Variants in UNC45B observed in about 807,000 individuals in gnomAD.
The protein encoded by UNC45B is protein unc-45 homolog B.
In UNC45B, 78 loss-of-function variants were observed where a neutral mutation model predicts 98.7. The observed-to-expected ratio is 0.79, with a 90% confidence interval of 0.66 to 0.95. UNC45B has a LOEUF of 0.95. Among genes scored for constraint, UNC45B ranks in the 40% least tolerant of loss-of-function variants. The probability of loss-of-function intolerance (pLI) is 0.00; values close to 1 mark genes in which losing one functional copy is unlikely to be tolerated. For missense variants in UNC45B, 1,225 were observed against 1,184.9 expected (o/e 1.03, Z -0.50); for synonymous variants, 462 against 480.4 (o/e 0.96, Z 0.50).
At position 35,168,250 on chromosome 17, in the gene UNC45B, T is replaced by C. The variant is rs1308834407; in HGVS notation, c.1341T>C (p.His447=). Residue 447 remains histidine, a synonymous_variant, in exon 10 of 20, where the codon CAT becomes CAC. Transcript: ENST00000394570. ...DQLVAVEALI[H]ASTKLSRATF... ...TGGTGGCCGTGGAGGCCCTCATCCA[T>C]GCCTCCACGAAGCTCAGCCGCGCCA... The C allele has an allele frequency of 1.3e-6, 2 of 1,578,840 alleles. No homozygotes were observed. Among genetic ancestry groups the C allele is most frequent in the African/African-American group, 1.4e-5 (1 of 73,448 alleles).
chr17:35,183,345 A>G, intron 18 of UNC45B, 82 bp from the exon 19 acceptor site: 1 of 1,388,344 alleles, frequency 7.2e-7, no homozygotes. Flanking sequence ...CTTGGGTCAG[A>G]GAACTTCAGA....
At position 35,154,742 on chromosome 17, in the gene UNC45B, G is replaced by A; in HGVS notation, c.639+1G>A. ...CATGTGCAGCGGCCACCAAGCCAGAGTAAGTGCCCGGCTGTGGGGCATGTG... is the reference window on the plus strand; with the variant it reads ...CATGTGCAGCGGCCACCAAGCCAGAATAAGTGCCCGGCTGTGGGGCATGTG... On this transcript the variant is annotated splice_donor_variant, in intron 6 of 19. Coordinates refer to ENST00000394570, the MANE Select transcript of UNC45B (RefSeq NM_001267052.2). LOFTEE classifies it high-confidence loss of function. The A allele has an allele frequency of 1.3e-6, 2 of 1,580,192 alleles. No homozygotes were observed. The highest frequency in any genetic ancestry group is 1.7e-6 in the Non-Finnish European group (2 of 1,167,796).
At position 35,169,893 on chromosome 17, in the gene UNC45B, G is replaced by A. The variant is rs199940176; in HGVS notation, c.1509G>A (p.Ala503=). ...GGTDYGLRQF[A]EGSTEKLAKQ... ...CAGACTACGGTCTCAGGCAGTTTGC[G>A]GAAGGGTCGACAGAAAAACTGGCCA... Residue 503 remains alanine, a synonymous_variant, in exon 11 of 20, where the codon GCG becomes GCA. Coordinates refer to ENST00000394570, the MANE Select transcript of UNC45B (RefSeq NM_001267052.2). The A allele has an allele frequency of 6.2e-6, 10 of 1,614,160 alleles. No individual in the cohort carries two copies. In the East Asian group the frequency reaches 6.7e-5, roughly 11 times the overall value.
At chr17:35,174,744 C>T (rs1266215289) in intron 14 of UNC45B, among the ~76,000 whole-genome samples, 1 of 151,866 alleles carries the variant, frequency 6.6e-6, no homozygotes, top group African/African-American at 2.4e-5. Context: ...CACTTAAGCC[C>T]AGGAATTCAG....
intron 18 of UNC45B, 57 bp downstream of exon 18, chr17:35,180,733 CAGGGT>C: frequency 1.4e-6 from 2 of 1,388,982 alleles, no homozygotes; most frequent in South Asian, 1.2e-5. Context: ...AGAGGCAGGC[CAGGGT>C]CAGGGCCTGG....
rs770338951 is a variant in UNC45B, at chr17:35,150,067, G to C, written c.225G>C (p.Ser75=). 1 of 1,608,014 alleles carries C rather than the reference G, an allele frequency of 6.2e-7. No individual in the cohort carries two copies. Among genetic ancestry groups the C allele is most frequent in the South Asian group, 1.1e-5 (1 of 90,068 alleles). ...DASRAIDINS[S]DIKALYRRCQ... The stretch of plus-strand genomic sequence containing the variant: ...CGATAGCCATCGACATCAACTCCTC[G>C]GACATCAAGGCTCTGTATCGGCGAT... The change falls in exon 4 of 20, where the codon TCG becomes TCC. Residue 75 remains serine, a synonymous_variant. Transcript: ENST00000394570.
chr17:35,152,687 G>A (rs1159226880), intron 4 of UNC45B, among the ~76,000 whole-genome samples: 1 of 152,236 alleles, frequency 6.6e-6, no homozygotes, highest in Non-Finnish European at 1.5e-5. Flanking sequence ...GCCTTCAGGG[G>A]CAAGGACTTG....
intron 2 of UNC45B, among the ~76,000 whole-genome samples, 167 bp downstream of exon 2, chr17:35,148,598 A>G (rs987271854): frequency 3.3e-5 from 5 of 152,088 alleles, no homozygotes; most frequent in African/African-American, 1.2e-4. Context: ...CCCCGGAAAG[A>G]CAGAAATTCA....
rs2092244908 is a variant in UNC45B, at chr17:35,177,683, T to C, written c.2255+73T>C. 11 of 1,111,866 alleles carry C rather than the reference T, an allele frequency of 9.9e-6. No homozygotes were observed. In the Admixed American group the frequency reaches 1.9e-4, roughly 19 times the overall value. The allele number at this position is 1,111,866 out of a possible 1,614,324, so 68.9% of individuals were successfully genotyped here. A position where few individuals can be genotyped will look rare whatever the true frequency, so the allele number is the denominator to read the frequency against. On this transcript the variant is annotated intron_variant, in intron 17 of 19. Transcript: ENST00000394570. The stretch of plus-strand genomic sequence containing the variant: ...TGTTTGTTTGAAATTTCACATAATG[T>C]GCTGAGAATGCTCTTCTCTGAAGAC...
At chr17:35,155,092 G>C (rs1250328672) in intron 6 of UNC45B, among the ~76,000 whole-genome samples, 1 of 152,196 alleles carries the variant, frequency 6.6e-6, no homozygotes, top group Admixed American at 6.5e-5. Flanking sequence ...TGTATTGGAT[G>C]GCACAGCTCT....
At chr17:35,167,920 A>T in intron 9 of UNC45B, 141 bp from the exon 10 acceptor site, 1 of 632,838 alleles carries the variant, frequency 1.6e-6, no homozygotes, top group Non-Finnish European at 2.3e-6. Flanking sequence ...AGGCTCAGAG[A>T]GGTTCGCTGA....
chr17:35,151,184 T>C, intron 4 of UNC45B: 1 of 302,314 alleles, frequency 3.3e-6, no homozygotes. Flanking sequence ...GAGGGAATCC[T>C]GGTTAGTTTC....
intron 8 of UNC45B, among the ~76,000 whole-genome samples, 200 bp downstream of exon 8, chr17:35,159,745 T>C (rs906629594): frequency 6.6e-6 from 1 of 152,146 alleles, no homozygotes; most frequent in Non-Finnish European, 1.5e-5. Context: ...AGCCTGAACA[T>C]GCCCAGGAAG....
At chr17:35,169,226 G>A (rs917399081) in intron 10 of UNC45B, among the ~76,000 whole-genome samples, 10 of 152,010 alleles carry the variant, frequency 6.6e-5, no homozygotes, top group African/African-American at 1.9e-4. Context: ...TTTTAGTAGA[G>A]ATGGGGTTTT....
chr17:35,177,828 TTCTTTTCTTTTG>T lies in UNC45B; in HGVS notation c.2255+230_2255+241del, dbSNP rs372638546. Among the ~76,000 whole-genome samples the T allele has an allele frequency of 2.5e-3, 384 of 150,826 alleles. 4 individuals carry two copies. Among genetic ancestry groups the T allele is most frequent in the African/African-American group, 8.8e-3 (366 of 41,468 alleles). On this transcript the variant is annotated intron_variant, in intron 17 of 19. Transcript: ENST00000394570. ...TTTCTTTTCTTTTTTTTCTTTCCTT[TTCTTTTCTTTTG>T]TCTTTTCTTTTCTCTTCTCTTCTCT...
Position 35,164,164 on chromosome 17 carries a change from C to T in UNC45B, c.1149C>T (p.Ile383=). 1 of 1,607,730 alleles carries T rather than the reference C, an allele frequency of 6.2e-7. No individual in the cohort carries two copies. Among genetic ancestry groups the T allele is most frequent in the Non-Finnish European group, 8.5e-7 (1 of 1,177,108 alleles). ...DHFRKICEEY[I]TGKFDPQDMD... Reference sequence around the variant, plus strand: ...TCCGCAAGATCTGTGAGGAATATATCACGTAAGTTTCCTGGAGGCCTCACA... The same window carrying T: ...TCCGCAAGATCTGTGAGGAATATATTACGTAAGTTTCCTGGAGGCCTCACA... The change falls in exon 9 of 20, where the codon ATC becomes ATT. Residue 383 remains isoleucine, a splice_region_variant and synonymous_variant. Coordinates refer to ENST00000394570, the MANE Select transcript of UNC45B (RefSeq NM_001267052.2).
chr17:35,171,091 G>A (rs1434530456), intron 12 of UNC45B, among the ~76,000 whole-genome samples: 1 of 152,196 alleles, frequency 6.6e-6, no homozygotes, highest in Admixed American at 6.5e-5. Flanking sequence ...TTGTGGGACA[G>A]CTCCTATTCA....
chr17:35,156,792 A>T (rs2092065544), intron 7 of UNC45B, among the ~76,000 whole-genome samples: 2 of 152,186 alleles, frequency 1.3e-5, no homozygotes, highest in South Asian at 2.1e-4. Context: ...TACCACATGG[A>T]TCTTTCCTCT....
rs549089895 is a variant in UNC45B at position 35,157,717 on chromosome 17, A to G, written c.809-1658A>G. Among the ~76,000 whole-genome samples the G allele has an allele frequency of 2.4e-3, 366 of 152,370 alleles. 2 individuals are homozygous for G. Among genetic ancestry groups the G allele is most frequent in the Non-Finnish European group, 3.8e-3 (258 of 68,046 alleles). ...CCTTCTTAAAGATATTTGCCTATCC[A>G]GTAGATTCAAAATTATCGTGTTAGA... On this transcript the variant is annotated intron_variant, in intron 7 of 19. Coordinates refer to ENST00000394570, the MANE Select transcript of UNC45B (RefSeq NM_001267052.2).
Sources: allele counts gnomAD v4.1 joint callset (sites outside exome capture counted in the v4.1 genomes callset), GRCh38; gene constraint gnomAD v4.1.1; transcripts MANE v1.5; gene names NCBI Gene and HGNC (gene_info 2026-07-23, HGNC 2026-07-21).